The following PCDHA3 variants were observed in gnomAD, a reference collection of about 807,000 sequenced individuals.
PCDHA3 encodes the protein protocadherin alpha-3.
Under a neutral mutation model 62.2 loss-of-function variants are expected in PCDHA3, and 41 were observed. That is an observed-to-expected ratio of 0.66 (90% CI 0.51 to 0.86). The LOEUF (loss-of-function observed/expected upper bound fraction) is 0.86, where lower values mean the gene tolerates loss of function less well. PCDHA3 is among the 40% of genes least tolerant of loss of function. PCDHA3 has a pLI of 0.00. For synonymous variants in PCDHA3, 640 were observed against 555.4 expected (o/e 1.15, Z -2.14); for missense variants, 1,304 against 1,241.2 (o/e 1.05, Z -0.76).
intron 3 of PCDHA3, among the ~76,000 whole-genome samples, chr5:140,990,330 A>C (rs1554251426): frequency 6.6e-6 from 1 of 152,122 alleles, no homozygotes; most frequent in African/African-American, 2.4e-5. Context: ...AAACTTTAAA[A>C]ATAAGTAAAG....
chr5:140,933,653 G>GTC (rs1245688430), intron 1 of PCDHA3, among the ~76,000 whole-genome samples: 13 of 151,864 alleles, frequency 8.6e-5, no homozygotes, highest in African/African-American at 2.7e-4. Flanking sequence ...TGGAAATCCT[G>GTC]TCTCTCTCTC....
At chr5:140,928,044 T>A (rs782342331) in intron 1 of PCDHA3, 1 of 1,614,196 alleles carries the variant, frequency 6.2e-7, no homozygotes, top group South Asian at 1.1e-5. Context: ...GTGCAGGCCC[T>A]TTTCAGCTGA....
At chr5:140,848,219 T>A in intron 1 of PCDHA3, 1 of 368,880 alleles carries the variant, frequency 2.7e-6, no homozygotes, top group Non-Finnish European at 4.9e-6. Flanking sequence ...TAAGAAAAAA[T>A]TAAGAAAATG....
At chr5:140,953,227 G>A (rs269546) in intron 1 of PCDHA3, among the ~76,000 whole-genome samples, 34,007 of 151,960 alleles carry the variant, frequency 0.22, 4,902 homozygotes, top group African/African-American at 0.41. Flanking sequence ...GCTTCTGCTT[G>A]GTAGCAGTTC....
intron 3 of PCDHA3, among the ~76,000 whole-genome samples, chr5:140,995,389 G>T (rs1377788418): frequency 6.6e-6 from 1 of 152,190 alleles, no homozygotes; most frequent in Non-Finnish European, 1.5e-5. Context: ...GCAGGATAAA[G>T]CGGGATGGCT....
intron 1 of PCDHA3, among the ~76,000 whole-genome samples, chr5:140,953,720 G>C (rs2094928996): frequency 6.6e-6 from 1 of 152,068 alleles, no homozygotes; most frequent in African/African-American, 2.4e-5. Flanking sequence ...CAGACATTGT[G>C]TTTTGAAATT....
chr5:140,836,400 G>A, intron 1 of PCDHA3: 1 of 1,613,760 alleles, frequency 6.2e-7, no homozygotes, highest in South Asian at 1.1e-5. Flanking sequence ...GGTGGAAAGC[G>A]GCCAGGCACC....
intron 1 of PCDHA3, chr5:140,883,057 G>A (rs781846985): frequency 1.2e-6 from 2 of 1,614,006 alleles, no homozygotes; most frequent in South Asian, 1.1e-5. Flanking sequence ...TAGTGATCAA[G>A]CTAAATGCCA....
intron 1 of PCDHA3, chr5:140,877,641 C>A: frequency 6.2e-7 from 1 of 1,613,592 alleles, no homozygotes; most frequent in Non-Finnish European, 8.5e-7. Flanking sequence ...CGCTGCGTTG[C>A]TCAGCGCCGC....
At position 140,906,503 on chromosome 5, in the gene PCDHA3, AAAG is replaced by A. The variant is rs537708204; in HGVS notation, c.2395-72442_2395-72440del. Among the ~76,000 whole-genome samples the A allele has an allele frequency of 2.0e-5, 3 of 152,376 alleles. No homozygotes were observed. The South Asian group carries it at 6.2e-4, about 32-fold the overall frequency. On this transcript the variant is annotated intron_variant, in intron 1 of 3. Transcript: ENST00000522353. The stretch of plus-strand genomic sequence containing the variant: ...ATAAATGCACAAACATGTTTTTAAC[AAAG>A]AAGGAGGAAATACTCACGACAATTA...
At chr5:140,830,615 T>C in intron 1 of PCDHA3, 1 of 612,998 alleles carries the variant, frequency 1.6e-6, no homozygotes, top group African/African-American at 1.9e-5. Flanking sequence ...TTCATTTTAT[T>C]GTGTTTCTTA....
At chr5:140,926,986 C>T (rs782199565) in intron 1 of PCDHA3, 1 of 1,610,712 alleles carries the variant, frequency 6.2e-7, no homozygotes, top group Non-Finnish European at 8.5e-7. Flanking sequence ...GGAGACGGAG[C>T]GGGGCGTAGC....
intron 1 of PCDHA3, chr5:140,822,171 C>G: frequency 6.2e-7 from 1 of 1,614,246 alleles, no homozygotes; most frequent in Non-Finnish European, 8.5e-7. Flanking sequence ...CGCCCAGGTT[C>G]TCCAGACAAG....
At position 140,803,433 on chromosome 5, in the gene PCDHA3, G is replaced by A. The variant is rs369373965; in HGVS notation, c.2236G>A (p.Gly746Arg). Residue 746 changes from glycine to arginine, a missense_variant, in exon 1 of 4, where the codon GGG (glycine) becomes AGG (arginine). Transcript: ENST00000522353. ...CACGCTGGTGTGCTCCAGCGCGGTGGGGAGCTGGTCATACTCGCAGCAGAG... is the reference window on the plus strand; with the variant it reads ...CACGCTGGTGTGCTCCAGCGCGGTGAGGAGCTGGTCATACTCGCAGCAGAG... ...KPTLVCSSAV[G>R]SWSYSQQRQQ... 1.9e-6 allele frequency: 3 copies of A among 1,614,098 alleles called. No homozygotes were observed. Among genetic ancestry groups the A allele is most frequent in the Non-Finnish European group, 2.5e-6 (3 of 1,180,054 alleles).
chr5:140,802,552 C>A lies in PCDHA3; in HGVS notation c.1355C>A (p.Ala452Glu). The A allele has an allele frequency of 6.2e-7, 1 of 1,614,198 alleles. No individual in the cohort carries two copies. Among genetic ancestry groups the A allele is most frequent in the South Asian group, 1.1e-5 (1 of 91,082 alleles). ...SVEVADVNDN[A>E]PAFSQSEYTV... The stretch of plus-strand genomic sequence containing the variant: ...GAGGTGGCCGACGTGAACGACAATG[C>A]GCCGGCATTCTCGCAGTCCGAGTAC... The change falls in exon 1 of 4, where the codon GCG becomes GAG. Residue 452 changes from alanine (A) to glutamate (E), a missense_variant. Transcript: ENST00000522353.
intron 1 of PCDHA3, chr5:140,823,251 G>T (rs2150123936): frequency 6.2e-7 from 1 of 1,613,318 alleles, no homozygotes; most frequent in East Asian, 2.2e-5. Flanking sequence ...TGTCCTACTC[G>T]CTGGTGGAGC....
intron 1 of PCDHA3, among the ~76,000 whole-genome samples, chr5:140,943,827 A>T (rs1474835023): frequency 2.0e-5 from 3 of 152,208 alleles, no homozygotes; most frequent in Non-Finnish European, 4.4e-5. Flanking sequence ...AAATGAGTTG[A>T]TTGAAGTTGT....
At chr5:140,877,655 C>T (rs868936879) in intron 1 of PCDHA3, 4 of 1,613,562 alleles carry the variant, frequency 2.5e-6, no homozygotes, top group South Asian at 2.2e-5. Context: ...GCGCCGCCCA[C>T]CGTGAGCCGG....
chr5:140,968,876 A>G (rs782240993), intron 1 of PCDHA3: 51 of 1,614,112 alleles, frequency 3.2e-5, no homozygotes, highest in Non-Finnish European at 4.1e-5. Context: ...ATACTCTGAA[A>G]TTACCCTTTA....
Sources: allele counts gnomAD v4.1 joint callset (sites outside exome capture counted in the v4.1 genomes callset), GRCh38; gene constraint gnomAD v4.1.1; transcripts MANE v1.5; gene names NCBI Gene and HGNC (gene_info 2026-07-23, HGNC 2026-07-21).